SYT11: variants seen among roughly 807,000 people sequenced by gnomAD.
SYT11 encodes the protein synaptotagmin-11.
A neutral mutation model predicts 30.4 loss-of-function variants in SYT11; 12 were observed. The observed-to-expected ratio is 0.39, with a 90% CI of 0.25 to 0.64. The LOEUF (loss-of-function observed/expected upper bound fraction) is 0.64. SYT11 is among the 30% of genes least tolerant of loss of function. The pLI, the probability that SYT11 is intolerant of heterozygous loss-of-function variation, is 0.45. For missense variants in SYT11, 412 were observed against 552.0 expected (o/e 0.75, Z 2.54); for synonymous variants, 204 against 216.0 (o/e 0.94, Z 0.49).
chr1:155,880,170 C>T (rs1044013964), intron 2 of SYT11, among the ~76,000 whole-genome samples: 1 of 151,950 alleles, frequency 6.6e-6, no homozygotes, highest in Admixed American at 6.6e-5. Context: ...CCAATCTGGG[C>T]AACAGAGTGA....
At chr1:155,859,831 C>A in intron 1 of SYT11, 36 bp downstream of exon 1, 1 of 1,609,010 alleles carries the variant, frequency 6.2e-7, no homozygotes, top group South Asian at 1.1e-5. Context: ...TTGAGGTGGT[C>A]AGAATGGTTG....
Position 155,868,605 on chromosome 1 carries a change from G to A in SYT11, c.675G>A (p.Glu225=). ...LRKTLDPVFD[E]TFTFYGIPYS... is the part of the protein sequence containing the mutation. ...AGACCCTGGACCCTGTGTTTGACGAGACCTTCACCTTCTATGGCATCCCCT... is the reference window on the plus strand; with the variant it reads ...AGACCCTGGACCCTGTGTTTGACGAAACCTTCACCTTCTATGGCATCCCCT... Residue 225 remains glutamate (E), a synonymous_variant, in exon 2 of 4, where the codon GAG becomes GAA. Coordinates refer to ENST00000368324, the MANE Select transcript of SYT11 (RefSeq NM_152280.5). The surrounding 1 kb of genome is among the most constrained non-coding windows in gnomAD (Gnocchi z 4.7). The A allele has an allele frequency of 6.2e-7, 1 of 1,614,182 alleles. No individual in the cohort carries two copies. Among genetic ancestry groups the A allele is most frequent in the Non-Finnish European group, 8.5e-7 (1 of 1,180,038 alleles).
At chr1:155,861,086 A>T (rs975330642) in intron 1 of SYT11, among the ~76,000 whole-genome samples, 16 of 152,202 alleles carry the variant, frequency 1.1e-4, no homozygotes, top group Non-Finnish European at 2.4e-4. Flanking sequence ...GTACAGTGAA[A>T]TGAGCAGAAT....
intron 2 of SYT11, among the ~76,000 whole-genome samples, chr1:155,877,029 A>T (rs822506): frequency 6.8e-6 from 1 of 147,646 alleles, no homozygotes; most frequent in African/African-American, 2.5e-5. Context: ...TGCAGTGACT[A>T]CAATCTCGGC....
At position 155,868,828 on chromosome 1, in the gene SYT11, T is replaced by C. The variant is rs913185434; in HGVS notation, c.861+37T>C. 11 of 1,571,494 alleles carry C rather than the reference T, an allele frequency of 7.0e-6. No individual in the cohort carries two copies. The highest frequency in any genetic ancestry group is 1.3e-5 in the African/African-American group (1 of 74,102). On this transcript the variant is annotated intron_variant, in intron 2 of 3. Coordinates refer to ENST00000368324, the MANE Select transcript of SYT11 (RefSeq NM_152280.5). This position sits in a 1 kb window ranked among gnomAD's most constrained non-coding sequence, Gnocchi z 4.7. ...GTGTGTGTTGGGGAGCAATGGTAGGTTGGGGGAGAAAATATCTCAGGGGAT... is the reference window on the plus strand; with the variant it reads ...GTGTGTGTTGGGGAGCAATGGTAGGCTGGGGGAGAAAATATCTCAGGGGAT...
At chr1:155,865,404 G>A (rs1672654581) in intron 1 of SYT11, among the ~76,000 whole-genome samples, 1 of 151,950 alleles carries the variant, frequency 6.6e-6, no homozygotes, top group African/African-American at 2.4e-5. Context: ...GAGGCAATTG[G>A]ATCACTTGCG....
intron 2 of SYT11, among the ~76,000 whole-genome samples, chr1:155,874,530 G>A (rs781305565): frequency 1.1e-4 from 16 of 140,216 alleles, no homozygotes; most frequent in South Asian, 8.9e-4. Flanking sequence ...AGCCCTGGAT[G>A]TCAAGGCTGC....
At chr1:155,872,167 G>A (rs1238861966) in intron 2 of SYT11, among the ~76,000 whole-genome samples, 1 of 152,204 alleles carries the variant, frequency 6.6e-6, no homozygotes, top group Non-Finnish European at 1.5e-5. Context: ...GGAAGGCCAA[G>A]GCGGGAAGCC....
chr1:155,870,597 T>A (rs560085516), intron 2 of SYT11, among the ~76,000 whole-genome samples: 2 of 152,318 alleles, frequency 1.3e-5, no homozygotes, highest in Admixed American at 1.3e-4. Context: ...CTTTTTTACC[T>A]GCAAGTCCTC....
At chr1:155,879,639 A>G (rs1672929545) in intron 2 of SYT11, among the ~76,000 whole-genome samples, 1 of 152,172 alleles carries the variant, frequency 6.6e-6, no homozygotes, top group Admixed American at 6.5e-5. Flanking sequence ...ACATGTGGTG[A>G]GTAAGTGGCA....
In SYT11 at chr1:155,860,567, G is replaced by A. The variant is rs532298257; in HGVS notation, c.34+772G>A. Among the ~76,000 whole-genome samples, 1 of 152,234 alleles carries A rather than the reference G, an allele frequency of 6.6e-6. No homozygotes were observed. Among genetic ancestry groups the A allele is most frequent in the South Asian group, 2.1e-4 (1 of 4,826 alleles). ...CCTGGGCCGCCTTTTCAAAAAGGGG[G>A]ACTGACCAGCGTTGATGCTGGCGGG... On this transcript the variant is annotated intron_variant, in intron 1 of 3. Coordinates refer to ENST00000368324, the MANE Select transcript of SYT11 (RefSeq NM_152280.5). The surrounding 1 kb of genome is among the most constrained non-coding windows in gnomAD (Gnocchi z 4.1).
intron 2 of SYT11, among the ~76,000 whole-genome samples, chr1:155,874,013 G>T (rs1001883408): frequency 2.1e-4 from 32 of 152,228 alleles, no homozygotes; most frequent in African/African-American, 7.7e-4. Context: ...TTCAAAACTG[G>T]CTGAGGGCCA....
intron 1 of SYT11, among the ~76,000 whole-genome samples, chr1:155,865,564 G>A (rs1273069518): frequency 6.6e-6 from 1 of 151,534 alleles, no homozygotes; most frequent in African/African-American, 2.4e-5. Context: ...GGAGGCGGAG[G>A]TTGCGGTGAG....
At chr1:155,877,730 A>AT (rs747601521) in intron 2 of SYT11, among the ~76,000 whole-genome samples, 251 of 150,606 alleles carry the variant, frequency 1.7e-3, no homozygotes, top group Non-Finnish European at 2.8e-3. Flanking sequence ...ATTTTTTTGT[A>AT]TTTTTTTAGT....
intron 2 of SYT11, among the ~76,000 whole-genome samples, chr1:155,870,284 G>T (rs544538186): frequency 6.6e-6 from 1 of 152,226 alleles, no homozygotes; most frequent in African/African-American, 2.4e-5. Context: ...CTTCACTTTC[G>T]CTAAGTCTCA....
In SYT11 at chr1:155,883,024, C is replaced by T. The variant is rs1247790974; in HGVS notation, c.*1516C>T. The stretch of plus-strand genomic sequence containing the variant: ...TTGGATTCTTTCAGAGCATTCTTTT[C>T]CTCAAAACGAGCTGCATAATTCTTG... On this transcript the variant is annotated 3_prime_UTR_variant, in exon 4 of 4. Coordinates refer to ENST00000368324, the MANE Select transcript of SYT11 (RefSeq NM_152280.5). 1 of 152,336 alleles carries T rather than the reference C, an allele frequency of 6.6e-6. No homozygotes were observed. The highest frequency in any genetic ancestry group is 1.5e-5 in the Non-Finnish European group (1 of 68,030). The allele number at this position is 152,336 out of a possible 1,614,324, so 9.4% of individuals were successfully genotyped here.
rs1280323638 is a variant in SYT11 at position 155,860,465 on chromosome 1, G to A, written c.34+670G>A. Among the ~76,000 whole-genome samples, 1 of 152,152 alleles carries A rather than the reference G, an allele frequency of 6.6e-6. No individual in the cohort carries two copies. Among genetic ancestry groups the A allele is most frequent in the African/African-American group, 2.4e-5 (1 of 41,442 alleles). ...AATGGCGCTTGGCGCTGCTGGGCTG[G>A]GGGATGACGTGATGTCTATTTCTGG... On this transcript the variant is annotated intron_variant, in intron 1 of 3. Coordinates refer to ENST00000368324, the MANE Select transcript of SYT11 (RefSeq NM_152280.5). The surrounding 1 kb of genome is among the most constrained non-coding windows in gnomAD (Gnocchi z 4.1).
intron 2 of SYT11, among the ~76,000 whole-genome samples, chr1:155,872,104 T>G (rs964694361): frequency 4.6e-5 from 7 of 151,698 alleles, no homozygotes; most frequent in Admixed American, 4.6e-4. Context: ...AATAAAAAAA[T>G]AAAAGAAAAT....
chr1:155,872,999 A>C (rs577789915), intron 2 of SYT11, among the ~76,000 whole-genome samples: 4 of 152,208 alleles, frequency 2.6e-5, no homozygotes, highest in Non-Finnish European at 5.9e-5. Flanking sequence ...ACTAGGAAAG[A>C]GGCATGGGGA....
Sources: gnomAD v4.1 joint callset for allele counts (sites outside exome capture counted in the v4.1 genomes callset) on GRCh38, gnomAD v4.1.1 for gene constraint, Gnocchi (gnomAD v3.1) non-coding constraint, MANE v1.5 for transcripts, NCBI Gene and HGNC (gene_info 2026-07-23, HGNC 2026-07-21) for gene names.